Variants in ARL17A observed in about 807,000 individuals in gnomAD.
ARL17A encodes ARF like GTPase 17A, also known as ADP-ribosylation factor-like 17-like.
chr17:46,551,264 G>T (rs1446864769), downstream of ARL17A, among the ~76,000 whole-genome samples: 1 of 149,548 alleles, frequency 6.7e-6, no homozygotes, highest in Non-Finnish European at 1.5e-5. Context: ...CATTCCTGGA[G>T]CTTGCCTCTG....
intron 3 of ARL17A, among the ~76,000 whole-genome samples, chr17:46,542,282 A>G: frequency 6.8e-6 from 1 of 146,874 alleles, no homozygotes. Context: ...CGTCTAAAAG[A>G]TTTTCTCCTA....
chr17:46,502,421 C>A, the ARL17A span, among the ~76,000 whole-genome samples: 1 of 151,034 alleles, frequency 6.6e-6, no homozygotes, highest in Non-Finnish European at 1.5e-5. Context: ...CCTGTCTCAG[C>A]CTCCCAAGTA....
chr17:46,532,119 G>A (rs1250259116), intron 4 of ARL17A, among the ~76,000 whole-genome samples: 4 of 150,170 alleles, frequency 2.7e-5, no homozygotes, highest in Middle Eastern at 3.4e-3. Flanking sequence ...GGCTGCTCTC[G>A]AACTCCTAAC....
chr17:46,541,807 AACAT>A (rs1351988765), intron 3 of ARL17A, among the ~76,000 whole-genome samples: 4 of 151,252 alleles, frequency 2.6e-5, no homozygotes, highest in South Asian at 4.1e-4. Flanking sequence ...GCTGTATACA[AACAT>A]TATGTCATTT....
At chr17:46,530,439 A>G (rs562650675) in intron 4 of ARL17A, among the ~76,000 whole-genome samples, 1 of 143,628 alleles carries the variant, frequency 7.0e-6, no homozygotes, top group Non-Finnish European at 1.5e-5. Flanking sequence ...GCACTGAAAA[A>G]CCATCTGGAA....
downstream of ARL17A, chr17:46,549,079 G>C (rs550094369): frequency 2.5e-6 from 4 of 1,611,844 alleles, no homozygotes; most frequent in African/African-American, 5.5e-5. Context: ...TCGCTCCCAC[G>C]TGACCCACAG....
intron 3 of ARL17A, among the ~76,000 whole-genome samples, chr17:46,568,906 T>A (rs2057606968): frequency 7.5e-6 from 1 of 132,778 alleles, no homozygotes; most frequent in East Asian, 2.1e-4. Flanking sequence ...ACAAAGCAGA[T>A]GTAGAAAAGA....
At chr17:46,539,592 G>A (rs1181722897) in intron 3 of ARL17A, among the ~76,000 whole-genome samples, 2 of 145,738 alleles carry the variant, frequency 1.4e-5, no homozygotes, top group Non-Finnish European at 3.0e-5. Flanking sequence ...GTAAAACCCC[G>A]ACTCTACTAA....
At chr17:46,501,342 A>G in the ARL17A span, among the ~76,000 whole-genome samples, 1 of 150,942 alleles carries the variant, frequency 6.6e-6, no homozygotes, top group Non-Finnish European at 1.5e-5. Context: ...TGCCTGGCTA[A>G]TTTTTGTATT....
rs749671782 is a variant in ARL17A, at chr17:46,517,210, G to C, written c.283C>G (p.Gln95Glu). 4 of 801,366 alleles carry C rather than the reference G, an allele frequency of 5.0e-6. 2 individuals are homozygous for C. In the African/African-American group the frequency reaches 6.8e-5, roughly 14 times the overall value. 49.6% of individuals were successfully genotyped at this position (801,366 alleles called of 1,614,324 possible). A position where few individuals can be genotyped will look rare whatever the true frequency, so the allele number is the denominator to read the frequency against. Residue 95 changes from glutamine to glutamate, a missense_variant, in exon 4 of 5, where the codon CAA becomes GAA. Gln to Glu is a conservative substitution (Grantham distance 29, BLOSUM62 2). Transcript: ENST00000445552. The stretch of plus-strand genomic sequence containing the variant: ...ACCCCGCATAATTTCTTGATGAATT[G>C]TGCAAACTGGGAAGCTGATAGCTCT...
downstream of ARL17A, among the ~76,000 whole-genome samples, chr17:46,525,548 T>C (rs2052591767): frequency 9.0e-6 from 1 of 110,818 alleles, no homozygotes; most frequent in Admixed American, 8.7e-5. Context: ...GATGGCACCA[T>C]TGCACTCCAG....
intron 3 of ARL17A, among the ~76,000 whole-genome samples, chr17:46,521,048 C>G (rs1482184819): frequency 2.5e-5 from 2 of 80,140 alleles, no homozygotes; most frequent in East Asian, 2.4e-4. Flanking sequence ...TGATGGTTAA[C>G]TGGTAGAGCT....
Position 46,556,011 on chromosome 17 carries a change from AT to A in ARL17A, c.*1344del, listed in dbSNP as rs1224103305. On this transcript the variant is annotated 3_prime_UTR_variant, in exon 4 of 4. Transcript: ENST00000336125. ...GGCTGGAAAGGAGTAGATGTAAGGG[AT>A]GGTTTAGAAGAAGGGAAGTGGAAGA... 3.6e-6 allele frequency: 1 copy of A among 279,420 alleles called. No individual in the cohort carries two copies. Among genetic ancestry groups the A allele is most frequent in the Non-Finnish European group, 4.1e-6 (1 of 242,170 alleles). The allele number at this position is 279,420 out of a possible 1,614,324, so 17.3% of individuals were successfully genotyped here.
In ARL17A at chr17:46,540,212, TC is replaced by T; in HGVS notation, c.260-1787del. 2 of 1,603,412 alleles carry T rather than the reference TC, an allele frequency of 1.2e-6. 1 individual carries two copies. Among genetic ancestry groups the T allele is most frequent in the African/African-American group, 2.8e-5 (2 of 71,354 alleles). The stretch of plus-strand genomic sequence containing the variant: ...ACAATCCTCTGACAACTGTTGAAGA[TC>T]CGTATCTCTTTAAATTGCCAGCATT... On this transcript the variant is annotated intron_variant, in intron 3 of 4. Coordinates refer to the ARL17A transcript ENST00000329240.
the ARL17A span, among the ~76,000 whole-genome samples, chr17:46,500,753 A>T: frequency 6.6e-6 from 1 of 151,314 alleles, no homozygotes; most frequent in Non-Finnish European, 1.5e-5. Context: ...GTTTGAAGAT[A>T]ACTTCTGGAA....
chr17:46,552,840 A>G lies in ARL17A; in HGVS notation c.*4516T>C, dbSNP rs1211495063. On this transcript the variant is annotated 3_prime_UTR_variant, in exon 4 of 4. Coordinates refer to ENST00000336125, the MANE Select transcript of ARL17A (RefSeq NM_001113738.2). ...ATGGTGGCTCACACTTGTAATCCCA[A>G]CACATTGGGAGGCCAACCTGGGCAG... 6.8e-6 allele frequency: 1 copy of G among 147,242 alleles called. No homozygotes were observed. Among genetic ancestry groups the G allele is most frequent in the Non-Finnish European group, 1.4e-5 (1 of 71,278 alleles). The allele number at this position is 147,242 out of a possible 1,614,324, so 9.1% of individuals were successfully genotyped here.
downstream of ARL17A, chr17:46,549,243 A>G (rs1248974301): frequency 9.3e-6 from 15 of 1,611,300 alleles, 1 homozygote; most frequent in East Asian, 2.2e-5. Context: ...TGAGTCCTCA[A>G]GAAAACCCTT....
rs566332656 is a variant in ARL17A at position 46,533,501 on chromosome 17, T to C, written c.336-4642A>G. Among the ~76,000 whole-genome samples the C allele has an allele frequency of 6.1e-5, 9 of 147,220 alleles. No individual in the cohort carries two copies. In the East Asian group the frequency reaches 1.6e-3, roughly 26 times the overall value. ...CATTATGTAAGTATCTTTTTCTTTT[T>C]TTTTTTTTTCTTTATTTTGGGACAG... On this transcript the variant is annotated intron_variant, in intron 4 of 4. Coordinates refer to the ARL17A transcript ENST00000329240.
chr17:46,550,265 G>A, downstream of ARL17A: 2 of 253,374 alleles, frequency 7.9e-6, no homozygotes, highest in South Asian at 5.6e-5. Context: ...AGTGAACGGT[G>A]ATTGCACCAC....
Sources: allele counts gnomAD v4.1 joint callset (sites outside exome capture counted in the v4.1 genomes callset), GRCh38; gene constraint gnomAD v4.1.1; transcripts MANE v1.5; gene names NCBI Gene and HGNC (gene_info 2026-07-23, HGNC 2026-07-21).